Variants in ADAM7 observed in about 807,000 individuals in gnomAD.
ADAM7 encodes disintegrin and metalloproteinase domain-containing protein 7.
A neutral mutation model predicts 102.9 loss-of-function variants in ADAM7; 97 were observed. The ratio of observed to expected loss-of-function variants is 0.94; its 90% CI spans 0.80 to 1.12. The LOEUF (loss-of-function observed/expected upper bound fraction) is 1.12. Among genes scored for constraint, ADAM7 ranks in the 50% most tolerant of loss-of-function variants. The pLI, the probability that ADAM7 is intolerant of heterozygous loss-of-function variation, is 0.00. For synonymous variants in ADAM7, 334 were observed against 304.4 expected (o/e 1.10, Z -1.01); for missense variants, 991 against 908.7 (o/e 1.09, Z -1.16).
At chr8:24,450,280 G>A (rs906544029) in intron 3 of ADAM7, among the ~76,000 whole-genome samples, 2 of 152,188 alleles carry the variant, frequency 1.3e-5, no homozygotes, top group African/African-American at 2.4e-5. Flanking sequence ...TCCTACCCAT[G>A]AGCATGGAAT....
intron 6 of ADAM7, among the ~76,000 whole-genome samples, chr8:24,468,262 T>C (rs1472425323): frequency 6.6e-6 from 1 of 151,670 alleles, no homozygotes; most frequent in Non-Finnish European, 1.5e-5. Flanking sequence ...TCACGTGAGC[T>C]TACTAATGAA....
chr8:24,500,315 TTTC>T (rs1820714381), intron 18 of ADAM7, 59 bp downstream of exon 18: 2 of 1,492,592 alleles, frequency 1.3e-6, no homozygotes, highest in Non-Finnish European at 1.8e-6. Flanking sequence ...GAAAAAAGTT[TTTC>T]TTATTTTTCA....
At chr8:24,472,913 TATAA>T (rs1392153043) in intron 7 of ADAM7, among the ~76,000 whole-genome samples, 8 of 151,962 alleles carry the variant, frequency 5.3e-5, no homozygotes, top group African/African-American at 1.9e-4. Flanking sequence ...GAAGACAAAA[TATAA>T]ATAAAAGTTA....
rs1818412453 is a variant in ADAM7 at position 24,442,595 on chromosome 8, T to G, written c.156+19T>G. 2 of 1,582,206 alleles carry G rather than the reference T, an allele frequency of 1.3e-6. No homozygotes were observed. The highest frequency in any genetic ancestry group is 1.7e-6 in the Non-Finnish European group (2 of 1,151,062). ...CATACTGGTACAAGTTTTGATTTAGTAAATAAGATTTGTTGCTTTCACAGG... is the reference window on the plus strand; with the variant it reads ...CATACTGGTACAAGTTTTGATTTAGGAAATAAGATTTGTTGCTTTCACAGG... On this transcript the variant is annotated intron_variant, in intron 2 of 21. Coordinates refer to ENST00000175238, the MANE Select transcript of ADAM7 (RefSeq NM_003817.4).
At chr8:24,450,610 A>T (rs1818745558) in intron 3 of ADAM7, among the ~76,000 whole-genome samples, 1 of 152,078 alleles carries the variant, frequency 6.6e-6, no homozygotes. Context: ...GGACAATTTG[A>T]CTTCCTCTTT....
intron 9 of ADAM7, 72 bp downstream of exon 9, chr8:24,482,383 G>GA (rs11348969): frequency 1.6e-5 from 23 of 1,421,450 alleles, no homozygotes; most frequent in East Asian, 4.7e-5. Flanking sequence ...AAAATTAACA[G>GA]AAAAAAAACA....
At chr8:24,452,552 G>A (rs1333159070) in intron 3 of ADAM7, among the ~76,000 whole-genome samples, 6 of 151,444 alleles carry the variant, frequency 4.0e-5, no homozygotes, top group Admixed American at 2.0e-4. Context: ...GTCTCTGCAC[G>A]TGAGATGGGT....
intron 1 of ADAM7, 99 bp downstream of exon 1, chr8:24,441,259 G>C: frequency 8.2e-7 from 1 of 1,223,280 alleles, no homozygotes; most frequent in South Asian, 1.2e-5. Flanking sequence ...AACATTAAAC[G>C]TTGATGATTT....
At chr8:24,463,159 G>A (rs956273351) in intron 3 of ADAM7, among the ~76,000 whole-genome samples, 21 of 152,082 alleles carry the variant, frequency 1.4e-4, no homozygotes, top group African/African-American at 5.1e-4. Context: ...ACCTTATGAA[G>A]GGATCTCAAA....
At chr8:24,479,901 A>G (rs1400685287) in intron 8 of ADAM7, among the ~76,000 whole-genome samples, 1 of 151,360 alleles carries the variant, frequency 6.6e-6, no homozygotes, top group African/African-American at 2.5e-5. Context: ...AGAAAAAAAT[A>G]TATGATTTTC....
At chr8:24,506,171 C>T (rs772312358) in intron 20 of ADAM7, 15 of 1,539,836 alleles carry the variant, frequency 9.7e-6, no homozygotes, top group African/African-American at 1.4e-5. Context: ...GTTCCCCTCC[C>T]CTTCCTCTTG....
intron 4 of ADAM7, among the ~76,000 whole-genome samples, chr8:24,465,206 G>T (rs1278435843): frequency 6.6e-6 from 1 of 152,082 alleles, no homozygotes; most frequent in Non-Finnish European, 1.5e-5. Context: ...GAGGTCCCTG[G>T]AAGACCACAG....
At position 24,459,429 on chromosome 8, in the gene ADAM7, C is replaced by T. The variant is rs115499181; in HGVS notation, c.234-4453C>T. On this transcript the variant is annotated intron_variant, in intron 3 of 21. Coordinates refer to ENST00000175238, the MANE Select transcript of ADAM7 (RefSeq NM_003817.4). Reference sequence around the variant, plus strand: ...CAATCTAAAAGGGGCTATCAATTGTCGACCTTTTATTTATTTATTTATTTT... The same window carrying T: ...CAATCTAAAAGGGGCTATCAATTGTTGACCTTTTATTTATTTATTTATTTT... Among the ~76,000 whole-genome samples the T allele has an allele frequency of 3.9e-3, 593 of 151,630 alleles. 4 individuals carry two copies. The highest frequency in any genetic ancestry group is 0.014 in the African/African-American group (564 of 41,280).
intron 3 of ADAM7, among the ~76,000 whole-genome samples, chr8:24,453,207 G>T (rs925992997): frequency 6.6e-6 from 1 of 152,182 alleles, no homozygotes; most frequent in African/African-American, 2.4e-5. Flanking sequence ...TGCCTTGCTA[G>T]ATTGGGGAAG....
At chr8:24,448,657 T>TTTA (rs35847061) in intron 3 of ADAM7, among the ~76,000 whole-genome samples, 18,969 of 148,652 alleles carry the variant, frequency 0.13, 1,464 homozygotes, top group Non-Finnish European at 0.18. Context: ...ATTCAGCTTG[T>TTTA]TTATTATTAT....
intron 2 of ADAM7, among the ~76,000 whole-genome samples, chr8:24,443,616 C>T (rs981193117): frequency 2.0e-5 from 3 of 152,130 alleles, no homozygotes; most frequent in Admixed American, 2.0e-4. Context: ...CGACTACTGT[C>T]CTAAGACTTA....
intron 8 of ADAM7, among the ~76,000 whole-genome samples, chr8:24,478,847 G>A (rs1383879238): frequency 6.6e-6 from 1 of 152,130 alleles, no homozygotes; most frequent in African/African-American, 2.4e-5. Flanking sequence ...TAGAGTCTAA[G>A]AAAATAATAT....
chr8:24,453,730 C>T (rs1367693621), intron 3 of ADAM7, among the ~76,000 whole-genome samples: 5 of 152,166 alleles, frequency 3.3e-5, no homozygotes, highest in Admixed American at 3.3e-4. Context: ...AGGCGCTCTC[C>T]TTTATAGAGT....
At chr8:24,469,930 T>G (rs1223678239) in intron 7 of ADAM7, among the ~76,000 whole-genome samples, 5 of 152,040 alleles carry the variant, frequency 3.3e-5, no homozygotes, top group Admixed American at 2.6e-4. Context: ...AATAAAAAGT[T>G]GGAAACTGTA....
Sources: allele counts gnomAD v4.1 joint callset (sites outside exome capture counted in the v4.1 genomes callset), GRCh38; gene constraint gnomAD v4.1.1; transcripts MANE v1.5; gene names NCBI Gene and HGNC (gene_info 2026-07-23, HGNC 2026-07-21).